LARP1B: variants seen among roughly 807,000 people sequenced by gnomAD.
LARP1B encodes the protein La ribonucleoprotein 1B, also known as la-related protein 1B.
LARP1B carries 76 observed loss-of-function variants against 114.2 expected under a neutral mutation model. The ratio of observed to expected loss-of-function variants is 0.67; its 90% CI spans 0.55 to 0.81. The LOEUF (loss-of-function observed/expected upper bound fraction) is 0.81. LARP1B is among the 30% of genes least tolerant of loss of function. The pLI, the probability that LARP1B is intolerant of heterozygous loss-of-function variation, is 0.00. For synonymous variants in LARP1B, 345 were observed against 348.0 expected (o/e 0.99, Z 0.10); for missense variants, 1,014 against 1,075.8 (o/e 0.94, Z 0.80).
intron 6 of LARP1B, among the ~76,000 whole-genome samples, chr4:128,219,800 TAAA>T (rs1388430739): frequency 7.4e-6 from 1 of 134,276 alleles, no homozygotes; most frequent in Non-Finnish European, 1.5e-5. Flanking sequence ...TATAATAAAA[TAAA>T]TAAATAAATA....
At chr4:128,163,466 C>A (rs754927691) in intron 12 of LARP1B, among the ~76,000 whole-genome samples, 1 of 152,028 alleles carries the variant, frequency 6.6e-6, no homozygotes, top group African/African-American at 2.4e-5. Context: ...GTGAGTGAAG[C>A]TTTTATTTTA....
chr4:128,220,523 AATAGTC>A (rs1386225174), intron 7 of LARP1B: 1 of 171,770 alleles, frequency 5.8e-6, no homozygotes, highest in Non-Finnish European at 1.2e-5. Context: ...TTGCATTCCT[AATAGTC>A]ATATGTGTGT....
intron 11 of LARP1B, among the ~76,000 whole-genome samples, chr4:128,143,341 A>C (rs935470812): frequency 1.3e-5 from 2 of 152,220 alleles, no homozygotes; most frequent in African/African-American, 4.8e-5. Flanking sequence ...AATCCCTTGC[A>C]CAAGTTAGTA....
chr4:128,141,394 T>C (rs2150214487), intron 11 of LARP1B, among the ~76,000 whole-genome samples: 1 of 152,318 alleles, frequency 6.6e-6, no homozygotes, highest in South Asian at 2.1e-4. Context: ...AGAAACACGT[T>C]ACAACGAGTT....
intron 8 of LARP1B, among the ~76,000 whole-genome samples, chr4:128,099,357 G>A (rs958862624): frequency 3.4e-5 from 5 of 145,158 alleles, no homozygotes; most frequent in Admixed American, 7.2e-5. Flanking sequence ...GCACAATCTT[G>A]GCTCACTGCA....
intron 11 of LARP1B, among the ~76,000 whole-genome samples, chr4:128,141,093 C>T (rs1422769834): frequency 6.6e-6 from 1 of 152,150 alleles, no homozygotes; most frequent in South Asian, 2.1e-4. Flanking sequence ...GGATTACAGG[C>T]ATGAGCCACC....
chr4:128,140,399 TG>T (rs1213848157), intron 11 of LARP1B, among the ~76,000 whole-genome samples: 1 of 152,112 alleles, frequency 6.6e-6, no homozygotes, highest in African/African-American at 2.4e-5. Flanking sequence ...AAAACAATGC[TG>T]AATGAAAGAA....
In LARP1B at chr4:128,107,726, GA is replaced by G. The variant is rs1782597105; in HGVS notation, c.988+416del. On this transcript the variant is annotated intron_variant, in intron 9 of 19. Transcript: ENST00000326639. ...ACCAATACGCTTTAATCTTGTCTTG[GA>G]AAGATAAAATGACCTGCATTCTAAA... is the stretch of plus-strand genomic sequence containing the variant. 3.4e-6 allele frequency: 5 copies of G among 1,462,772 alleles called. No homozygotes were observed. The African/African-American group carries it at 5.7e-5, about 17-fold the overall frequency. 90.6% of individuals were successfully genotyped at this position (1,462,772 alleles called of 1,614,324 possible).
chr4:128,188,518 C>T (rs1327688121), intron 15 of LARP1B, among the ~76,000 whole-genome samples: 1 of 151,954 alleles, frequency 6.6e-6, no homozygotes, highest in Non-Finnish European at 1.5e-5. Flanking sequence ...TTATTTCTGC[C>T]TTGATCTTTA....
At chr4:128,089,626 G>A (rs183613566) in intron 5 of LARP1B, among the ~76,000 whole-genome samples, 32 of 151,728 alleles carry the variant, frequency 2.1e-4, no homozygotes, top group African/African-American at 6.8e-4. Context: ...GTGAGCCACC[G>A]CACCCGGCTA....
intron 10 of LARP1B, among the ~76,000 whole-genome samples, chr4:128,120,507 G>A (rs1414460930): frequency 1.3e-5 from 2 of 148,556 alleles, no homozygotes; most frequent in African/African-American, 5.0e-5. Context: ...GGAGTACAGT[G>A]GCACAATCTC....
chr4:128,106,890 T>G (rs1427409833), intron 8 of LARP1B, among the ~76,000 whole-genome samples: 3 of 152,196 alleles, frequency 2.0e-5, no homozygotes, highest in Non-Finnish European at 4.4e-5. Context: ...CAGTATTCCT[T>G]AAATGACTGT....
intron 11 of LARP1B, chr4:128,155,812 G>A: frequency 8.8e-6 from 14 of 1,588,622 alleles, no homozygotes; most frequent in Non-Finnish European, 1.2e-5. Context: ...TAAACTGGAA[G>A]ATGAGAAATC....
chr4:128,205,691 A>T (rs1013346824), intron 17 of LARP1B, among the ~76,000 whole-genome samples: 37 of 26,408 alleles, frequency 1.4e-3, no homozygotes, highest in Non-Finnish European at 5.4e-3. Flanking sequence ...ACAGCCGTAC[A>T]GTCTTTATCT....
intron 3 of LARP1B, 30 bp downstream of exon 3, chr4:128,075,023 A>T (rs780219691): frequency 6.7e-4 from 842 of 1,264,802 alleles, no homozygotes; most frequent in Non-Finnish European, 7.9e-4. Context: ...TTTTTTTTTT[A>T]AAGAAAGGAA....
In LARP1B at chr4:128,199,556, T is replaced by C. The variant is rs1364856663; in HGVS notation, c.2121T>C (p.Phe707=). 10 of 1,597,528 alleles carry C rather than the reference T, an allele frequency of 6.3e-6. No individual in the cohort carries two copies. The highest frequency in any genetic ancestry group is 1.1e-5 in the South Asian group (1 of 87,038). ...ATGAACTTTTGAAGGAAAATGGCTT[T>C]ACCCAACAAGTGTACCACAAGTATC... The part of the protein sequence containing the change: ...PSHELLKENG[F]TQQVYHKYRR... The change falls in exon 16 of 20, where the codon TTT becomes TTC. Residue 707 remains phenylalanine (F), a synonymous_variant. Transcript: ENST00000326639.
At chr4:128,113,583 C>T (rs947743366) in intron 9 of LARP1B, among the ~76,000 whole-genome samples, 2 of 151,632 alleles carry the variant, frequency 1.3e-5, no homozygotes, top group African/African-American at 4.8e-5. Context: ...CCTTGTGATC[C>T]ACCCGCCTCA....
chr4:128,120,693 C>T (rs779397667), intron 10 of LARP1B, among the ~76,000 whole-genome samples: 1 of 151,666 alleles, frequency 6.6e-6, no homozygotes, highest in Non-Finnish European at 1.5e-5. Context: ...AGGTCTTGAA[C>T]TCCTGGCCTC....
chr4:128,156,262 C>T, intron 11 of LARP1B: 2 of 1,109,010 alleles, frequency 1.8e-6, no homozygotes, highest in East Asian at 2.4e-5. Flanking sequence ...CTCCCCTTCC[C>T]CCACCAGTCC....
Sources: allele counts gnomAD v4.1 joint callset (sites outside exome capture counted in the v4.1 genomes callset), GRCh38; gene constraint gnomAD v4.1.1; transcripts MANE v1.5; gene names NCBI Gene and HGNC (gene_info 2026-07-23, HGNC 2026-07-21).